The following PTPRA variants were observed in gnomAD, a reference collection of about 807,000 sequenced individuals.
PTPRA encodes the protein receptor-type tyrosine-protein phosphatase alpha.
PTPRA carries 25 observed loss-of-function variants against 104.8 expected under a neutral mutation model. That is an observed-to-expected ratio of 0.24 (90% CI 0.17 to 0.33). The LOEUF is 0.33. Among genes scored for constraint, PTPRA ranks in the 10% least tolerant of loss-of-function variants. PTPRA has a pLI of 1.00. For missense variants in PTPRA, 765 were observed against 1,015.3 expected, an observed-to-expected ratio of 0.75 and a Z score of 3.35; for synonymous variants, 323 against 368.9, an observed-to-expected ratio of 0.88 and a Z score of 1.43.
chr20:2,883,230 A>G (rs1182643368), intron 1 of PTPRA, among the ~76,000 whole-genome samples: 1 of 152,168 alleles, frequency 6.6e-6, no homozygotes, highest in Admixed American at 6.5e-5. Flanking sequence ...GGTCCCAAGC[A>G]TTTCAGATAA....
At position 3,021,323 on chromosome 20, in the gene PTPRA, G is replaced by C; in HGVS notation, c.1056G>C (p.Gln352His). ...LKERKECKCA[Q>H]YWPDQGCWTY... ...TTTCTTTCCAGTGCAAGTGCGCCCAGTACTGGCCAGACCAAGGCTGCTGGA... is the reference window on the plus strand; with the variant it reads ...TTTCTTTCCAGTGCAAGTGCGCCCACTACTGGCCAGACCAAGGCTGCTGGA... The change falls in exon 14 of 24, where the codon CAG (glutamine) becomes CAC (histidine). Residue 352 changes from glutamine to histidine, a missense_variant. This residue lies in a region of PTPRA where 245 missense variants were observed against 398.7 expected (regional missense o/e 0.61). Coordinates refer to ENST00000399903, the MANE Select transcript of PTPRA (RefSeq NM_001385305.1). 1 of 1,614,144 alleles carries C rather than the reference G, an allele frequency of 6.2e-7. No homozygotes were observed. Among genetic ancestry groups the C allele is most frequent in the Non-Finnish European group, 8.5e-7 (1 of 1,179,988 alleles).
upstream of PTPRA, among the ~76,000 whole-genome samples, chr20:2,871,035 C>G (rs1487014591): frequency 2.0e-5 from 3 of 152,114 alleles, no homozygotes; most frequent in African/African-American, 7.2e-5. Context: ...AGGCAGGCAG[C>G]TGAGGAGGGG....
intron 1 of PTPRA, among the ~76,000 whole-genome samples, chr20:2,906,810 TA>T (rs1311462580): frequency 1.3e-5 from 2 of 152,230 alleles, no homozygotes; most frequent in African/African-American, 4.8e-5. Flanking sequence ...TTGAGCATAT[TA>T]ATAACTCAGG....
At chr20:2,964,536 A>G (rs1600182959) in intron 4 of PTPRA, among the ~76,000 whole-genome samples, 186 bp downstream of exon 4, 2 of 152,352 alleles carry the variant, frequency 1.3e-5, no homozygotes, top group Middle Eastern at 3.4e-3. Context: ...TCATACATAC[A>G]TAACTGCTTT....
intron 1 of PTPRA, among the ~76,000 whole-genome samples, chr20:2,921,387 C>T (rs1192512284): frequency 7.0e-6 from 1 of 143,416 alleles, no homozygotes; most frequent in Non-Finnish European, 1.5e-5. Context: ...TTTGGGTACA[C>T]TGTATATACA....
intron 9 of PTPRA, among the ~76,000 whole-genome samples, chr20:2,990,003 G>C (rs1191074073): frequency 6.6e-6 from 1 of 152,052 alleles, no homozygotes; most frequent in Admixed American, 6.6e-5. Context: ...GGCAACAGAG[G>C]GAGACCCCAT....
At chr20:2,962,957 T>C (rs2061810885) in intron 3 of PTPRA, among the ~76,000 whole-genome samples, 1 of 152,214 alleles carries the variant, frequency 6.6e-6, no homozygotes. Context: ...TTGAACACTT[T>C]AGACTGTGAG....
intron 1 of PTPRA, among the ~76,000 whole-genome samples, chr20:2,888,729 T>C (rs2058689853): frequency 6.6e-6 from 1 of 152,178 alleles, no homozygotes; most frequent in Admixed American, 6.5e-5. Flanking sequence ...CAGCTTTCCC[T>C]TTCCATAGGC....
At chr20:2,986,943 C>G in intron 7 of PTPRA, 94 bp downstream of exon 7, 2 of 1,110,486 alleles carry the variant, frequency 1.8e-6, no homozygotes, top group Non-Finnish European at 2.7e-6. Flanking sequence ...GTAGGATATA[C>G]ACAATGAATA....
chr20:2,964,186 G>A lies in PTPRA; in HGVS notation c.-6-86G>A, dbSNP rs28373201. On this transcript the variant is annotated intron_variant, in intron 3 of 23. Coordinates refer to ENST00000399903, the MANE Select transcript of PTPRA (RefSeq NM_001385305.1). Reference sequence around the variant, plus strand: ...TTTAGGCACACATTTTAATAGCTTGGAAATCCAGAATACTCTTCTGGTGAC... The same window carrying A: ...TTTAGGCACACATTTTAATAGCTTGAAAATCCAGAATACTCTTCTGGTGAC... 14,166 of 1,131,800 alleles carry A rather than the reference G, an allele frequency of 0.013. 1,132 individuals carry two copies. In the African/African-American group the frequency reaches 0.19, roughly 15 times the overall value. The allele number at this position is 1,131,800 out of a possible 1,614,324, so 70.1% of individuals were successfully genotyped here. A position where few individuals can be genotyped will look rare whatever the true frequency, so the allele number is the denominator to read the frequency against.
At chr20:2,946,069 CAG>C (rs1038529070) in intron 2 of PTPRA, among the ~76,000 whole-genome samples, 9 of 152,012 alleles carry the variant, frequency 5.9e-5, no homozygotes, top group Admixed American at 3.3e-4. Context: ...TTGGACTACA[CAG>C]GGGATAAGAA....
chr20:3,005,201 A>G, intron 10 of PTPRA, 55 bp downstream of exon 10: 1 of 1,491,240 alleles, frequency 6.7e-7, no homozygotes, highest in Non-Finnish European at 9.3e-7. Flanking sequence ...CTCTGGAGGG[A>G]TTTTCTGAAG....
At chr20:2,960,539 G>A (rs569271939) in intron 3 of PTPRA, among the ~76,000 whole-genome samples, 37 of 151,054 alleles carry the variant, frequency 2.4e-4, no homozygotes, top group African/African-American at 8.8e-4. Flanking sequence ...GAGCCACCAC[G>A]CCCTACCTTT....
chr20:2,997,344 AT>A (rs1164503295), intron 9 of PTPRA, among the ~76,000 whole-genome samples: 1 of 152,164 alleles, frequency 6.6e-6, no homozygotes, highest in African/African-American at 2.4e-5. Flanking sequence ...TTTTTATAAT[AT>A]TTTTAAAGCA....
intron 1 of PTPRA, among the ~76,000 whole-genome samples, chr20:2,878,754 T>C (rs1455233733): frequency 2.0e-5 from 3 of 152,236 alleles, no homozygotes; most frequent in Non-Finnish European, 4.4e-5. Flanking sequence ...ACAACCCATC[T>C]AGTGCTATTA....
intron 1 of PTPRA, among the ~76,000 whole-genome samples, chr20:2,903,911 ACT>A (rs1491200526): frequency 6.6e-6 from 1 of 150,744 alleles, no homozygotes; most frequent in African/African-American, 2.4e-5. Flanking sequence ...GGTTTCCATA[ACT>A]TTTTTTTTTT....
rs117398581 is a variant in PTPRA, at chr20:3,032,173, C to T, written c.1921-3412C>T. ...ATCCTCCCACCCCCAAACAACCAGCCTCTTCAAATCTGTACCAACTCTATT... is the reference window on the plus strand; with the variant it reads ...ATCCTCCCACCCCCAAACAACCAGCTTCTTCAAATCTGTACCAACTCTATT... On this transcript the variant is annotated intron_variant, in intron 20 of 23. Coordinates refer to ENST00000399903, the MANE Select transcript of PTPRA (RefSeq NM_001385305.1). 2.4e-3 allele frequency among the ~76,000 whole-genome samples: 362 copies of T among 152,342 alleles called. 1 individual carries two copies. The South Asian group carries it at 0.024, about 10-fold the overall frequency.
chr20:2,920,267 GAA>G (rs1311220016), intron 1 of PTPRA, among the ~76,000 whole-genome samples: 4 of 152,188 alleles, frequency 2.6e-5, no homozygotes, highest in African/African-American at 9.7e-5. Context: ...TTGGAGTTTG[GAA>G]AGAGCTTGAG....
intron 9 of PTPRA, among the ~76,000 whole-genome samples, chr20:2,999,241 T>G (rs1480278984): frequency 6.6e-6 from 1 of 152,162 alleles, no homozygotes; most frequent in East Asian, 1.9e-4. Flanking sequence ...AGAGATAGGA[T>G]CAATGGATTA....
Sources: allele counts gnomAD v4.1 joint callset (sites outside exome capture counted in the v4.1 genomes callset), GRCh38; gene constraint gnomAD v4.1.1; regional missense constraint gnomAD v4.1.1; transcripts MANE v1.5; gene names NCBI Gene and HGNC (gene_info 2026-07-23, HGNC 2026-07-21).